The following UGDH variants were observed in gnomAD, a reference collection of about 807,000 sequenced individuals.
UGDH encodes the protein UDP-Glc dehydrogenase.
UGDH carries 38 observed loss-of-function variants against 50.6 expected under a neutral mutation model. That is an observed-to-expected ratio of 0.75 (90% confidence interval 0.58 to 0.98). UGDH has a LOEUF of 0.98. UGDH is among the 50% of genes least tolerant of loss of function. The pLI is 0.00. For synonymous variants in UGDH, 168 were observed against 199.9 expected (o/e 0.84, Z 1.35); for missense variants, 465 against 606.2 (o/e 0.77, Z 2.45).
At position 39,516,685 on chromosome 4, in the gene UGDH, G is replaced by A. The variant is rs140411771; in HGVS notation, c.163-2501C>T. ...CTCTTAACATAAGTAATTGGAGGAT[G>A]TGAAAAATGTACATATGAATTTCCA... On this transcript the variant is annotated intron_variant, in intron 2 of 11. Coordinates refer to ENST00000316423, the MANE Select transcript of UGDH (RefSeq NM_003359.4). Among the ~76,000 whole-genome samples the A allele has an allele frequency of 1.7e-3, 252 of 152,278 alleles. 1 individual carries two copies. The highest frequency in any genetic ancestry group is 5.8e-3 in the African/African-American group (243 of 41,552).
chr4:39,525,020 C>T (rs959676581), intron 1 of UGDH, among the ~76,000 whole-genome samples: 1 of 152,172 alleles, frequency 6.6e-6, no homozygotes, highest in Non-Finnish European at 1.5e-5. Context: ...CCATGAAATA[C>T]GGCTTACCGA....
intron 2 of UGDH, among the ~76,000 whole-genome samples, chr4:39,517,022 TTCTA>T (rs1373767232): frequency 2.0e-5 from 3 of 152,206 alleles, no homozygotes; most frequent in African/African-American, 7.2e-5. Context: ...ATAATATAGG[TTCTA>T]TCTGTTATTA....
intron 11 of UGDH, among the ~76,000 whole-genome samples, chr4:39,501,489 G>T (rs1414908227): frequency 6.6e-6 from 1 of 151,310 alleles, no homozygotes; most frequent in Admixed American, 6.6e-5. Context: ...TAGCCAGGAT[G>T]GTCTCGATCT....
chr4:39,518,815 T>C lies in UGDH; in HGVS notation c.162+2536A>G, dbSNP rs567107750. Reference sequence around the variant, plus strand: ...CACGTCTGCCAAGTGACTGTACCAATTGATATTCTTACCAAGCAGTGCATA... The same window carrying C: ...CACGTCTGCCAAGTGACTGTACCAACTGATATTCTTACCAAGCAGTGCATA... On this transcript the variant is annotated intron_variant, in intron 2 of 11. Coordinates refer to ENST00000316423, the MANE Select transcript of UGDH (RefSeq NM_003359.4). Among the ~76,000 whole-genome samples the C allele has an allele frequency of 8.5e-5, 13 of 152,250 alleles. No homozygotes were observed. In the East Asian group the frequency reaches 1.9e-3, roughly 23 times the overall value.
intron 11 of UGDH, 143 bp downstream of exon 11, chr4:39,503,732 G>T (rs1337593937): frequency 1.7e-6 from 1 of 587,586 alleles, no homozygotes. Context: ...TAGAAAGAAG[G>T]TATCATCTTA....
chr4:39,521,086 A>AAAG (rs1553857907), intron 2 of UGDH, among the ~76,000 whole-genome samples: 7 of 148,162 alleles, frequency 4.7e-5, no homozygotes, highest in African/African-American at 7.3e-5. Flanking sequence ...AAAAAAAAAA[A>AAAG]AAAAGAAAAC....
At chr4:39,519,082 A>C (rs779630035) in intron 2 of UGDH, among the ~76,000 whole-genome samples, 32 of 151,778 alleles carry the variant, frequency 2.1e-4, no homozygotes, top group Non-Finnish European at 4.4e-4. Flanking sequence ...ACACCTGGCT[A>C]ATTTTTGTAT....
intron 2 of UGDH, 77 bp from the exon 3 acceptor site, chr4:39,514,261 T>C: frequency 8.9e-7 from 1 of 1,123,366 alleles, no homozygotes; most frequent in Middle Eastern, 2.5e-4. Flanking sequence ...TAGAATTACA[T>C]TTGTTAAAGG....
intron 11 of UGDH, 135 bp from the exon 12 acceptor site, chr4:39,500,388 T>C: frequency 1.8e-6 from 1 of 553,504 alleles, no homozygotes; most frequent in Non-Finnish European, 3.2e-6. Context: ...TGAGTTGCTA[T>C]GAGAGATCTT....
rs1746956961 is a variant in UGDH, at chr4:39,527,409, C to G, written c.-134G>C. ...TCGATCTGAGCTCCCTCTCGGCGCA[C>G]GCCCCTCCCTCAGGCTGCCACGCGT... On this transcript the variant is annotated 5_prime_UTR_variant, in exon 1 of 12. Coordinates refer to ENST00000316423, the MANE Select transcript of UGDH (RefSeq NM_003359.4). 1 of 244,574 alleles carries G rather than the reference C, an allele frequency of 4.1e-6. No homozygotes were observed. The highest frequency in any genetic ancestry group is 2.3e-5 in the African/African-American group (1 of 42,946). The allele number at this position is 244,574 out of a possible 1,614,324, so 15.2% of individuals were successfully genotyped here.
Position 39,509,840 on chromosome 4 carries a change from GT to G in UGDH, c.730del (p.Thr244GlnfsTer5). 1 of 1,613,144 alleles carries G rather than the reference GT, an allele frequency of 6.2e-7. No individual in the cohort carries two copies. Among genetic ancestry groups the G allele is most frequent in the Non-Finnish European group, 8.5e-7 (1 of 1,179,930 alleles). On this transcript the variant is annotated frameshift_variant, in exon 6 of 12. Transcript: ENST00000316423. LOFTEE classifies it high-confidence loss of function. Reference sequence around the variant, plus strand: ...TGCTACCTCTTCTACATCAGCTCCTGTTGCTTCACACAGAGCACTTATGGAG... The same window carrying G: ...TGCTACCTCTTCTACATCAGCTCCTGTGCTTCACACAGAGCACTTATGGAG... Reference protein sequence around the residue: ...INSISALCEATGADVEEVATA... With the variant: ...INSISALCEAXGADVEEVATA...
chr4:39,520,397 G>A (rs1183849306), intron 2 of UGDH, among the ~76,000 whole-genome samples: 2 of 152,036 alleles, frequency 1.3e-5, no homozygotes, highest in Admixed American at 6.6e-5. Flanking sequence ...ACATATTAAT[G>A]TTAGCTAGAA....
intron 7 of UGDH, among the ~76,000 whole-genome samples, chr4:39,506,965 C>T (rs907051534): frequency 2.0e-5 from 3 of 152,080 alleles, no homozygotes; most frequent in African/African-American, 7.2e-5. Context: ...GGAATCTAGG[C>T]TGGACAACAC....
chr4:39,520,707 A>G (rs889064354), intron 2 of UGDH, among the ~76,000 whole-genome samples: 1 of 151,724 alleles, frequency 6.6e-6, no homozygotes, highest in African/African-American at 2.4e-5. Flanking sequence ...AGTTGTATTT[A>G]TTTTATTTTT....
chr4:39,500,193 T>C lies in UGDH; in HGVS notation c.1435A>G (p.Ile479Val), dbSNP rs1279344897. Residue 479 changes from isoleucine (I) to valine (V), a missense_variant, in exon 12 of 12, where the codon ATT becomes GTT. Coordinates refer to ENST00000316423, the MANE Select transcript of UGDH (RefSeq NM_003359.4). ...KRIPYAPSGE[I>V]PKFSLQDPPN... The stretch of plus-strand genomic sequence containing the variant: ...GGATCTTGAAGACTAAACTTCGGAA[T>C]TTCACCAGAAGGAGCATATGGAATT... The C allele has an allele frequency of 1.2e-6, 2 of 1,606,998 alleles. No individual in the cohort carries two copies. The highest frequency in any genetic ancestry group is 1.3e-5 in the African/African-American group (1 of 74,786).
intron 6 of UGDH, 114 bp downstream of exon 6, chr4:39,509,646 T>TACCTAACAGGTTATA (rs1746156239): frequency 8.3e-7 from 1 of 1,203,680 alleles, no homozygotes; most frequent in East Asian, 2.6e-5. Flanking sequence ...TAACAGCATC[T>TACCTAACAGGTTATA]ACCTAACAGG....
intron 10 of UGDH, 28 bp from the exon 11 acceptor site, chr4:39,504,013 A>G: frequency 6.3e-7 from 1 of 1,598,850 alleles, no homozygotes; most frequent in Non-Finnish European, 8.6e-7. Flanking sequence ...AGGAACAATT[A>G]AAACACATAC....
chr4:39,514,132 G>GAA lies in UGDH; in HGVS notation c.213_214dup (p.Ser72PhefsTer19). 6.4e-7 allele frequency: 1 copy of GAA among 1,567,082 alleles called. No homozygotes were observed. Among genetic ancestry groups the GAA allele is most frequent in the East Asian group, 2.3e-5 (1 of 43,580 alleles). On this transcript the variant is annotated frameshift_variant, in exon 3 of 12. Transcript: ENST00000316423. LOFTEE classifies it high-confidence loss of function. ...TTTGATGGCATCATCAATATTGGTA[G>GAA]AAAAAAAAAGATTTTTTCCTCGACA...
intron 3 of UGDH, among the ~76,000 whole-genome samples, chr4:39,512,088 T>C (rs1024722498): frequency 6.6e-6 from 1 of 151,618 alleles, no homozygotes; most frequent in Non-Finnish European, 1.5e-5. Flanking sequence ...ACATGTAACC[T>C]TGGAGAAGTG....
Sources: allele counts gnomAD v4.1 joint callset (sites outside exome capture counted in the v4.1 genomes callset), GRCh38; gene constraint gnomAD v4.1.1; transcripts MANE v1.5; gene names NCBI Gene and HGNC (gene_info 2026-07-23, HGNC 2026-07-21).